Variants in RELN observed in about 807,000 individuals in gnomAD.
The protein encoded by RELN is reelin.
In RELN, 108 loss-of-function variants were observed where a neutral mutation model predicts 427.6. The ratio of observed to expected loss-of-function variants is 0.25; its 90% CI spans 0.22 to 0.30. The LOEUF (loss-of-function observed/expected upper bound fraction) is 0.30, where lower values mean the gene tolerates loss of function less well. Among genes scored for constraint, RELN ranks in the 10% least tolerant of loss-of-function variants. RELN has a pLI of 1.00. For missense variants in RELN, 3,715 were observed against 4,302.8 expected (o/e 0.86, Z 3.82); for synonymous variants, 1,524 against 1,513.4 (o/e 1.01, Z -0.16).
At chr7:103,680,976 G>T (rs914565041) in intron 11 of RELN, among the ~76,000 whole-genome samples, 2 of 152,146 alleles carry the variant, frequency 1.3e-5, no homozygotes, top group Non-Finnish European at 2.9e-5. Flanking sequence ...CTTCCCTGAG[G>T]CAGGGAGGAG....
intron 3 of RELN, among the ~76,000 whole-genome samples, chr7:103,802,711 C>T (rs901868188): frequency 1.3e-5 from 2 of 151,996 alleles, no homozygotes; most frequent in African/African-American, 2.4e-5. Flanking sequence ...AATCAGAGTA[C>T]GGGCTTCATT....
chr7:103,883,068 C>T (rs1794644055), intron 2 of RELN, among the ~76,000 whole-genome samples: 1 of 152,162 alleles, frequency 6.6e-6, no homozygotes, highest in South Asian at 2.1e-4. Flanking sequence ...TCCAGCAGCA[C>T]ATCAAAAATC....
intron 3 of RELN, among the ~76,000 whole-genome samples, chr7:103,818,970 T>A (rs1400915522): frequency 6.6e-6 from 1 of 152,128 alleles, no homozygotes; most frequent in Non-Finnish European, 1.5e-5. Flanking sequence ...ACCCCAAGTT[T>A]GTAAAAACTA....
In RELN at chr7:103,589,682, T is replaced by C. The variant is rs747261345; in HGVS notation, c.4059A>G (p.Glu1353=). ...AGKGCEGNSR[E]LSEPTMYHTG... ...TGTGATACATGGTGGGCTCACTTAG[T>C]TCTCTGGAGTTTCCTTCGCATCCTT... Residue 1353 remains glutamate (E), a synonymous_variant, in exon 28 of 65, where the codon GAA becomes GAG. Coordinates refer to ENST00000428762, the MANE Select transcript of RELN (RefSeq NM_005045.4). 1.9e-6 allele frequency: 3 copies of C among 1,614,130 alleles called. No individual in the cohort carries two copies. The highest frequency in any genetic ancestry group is 8.5e-7 in the Non-Finnish European group (1 of 1,179,984).
chr7:103,923,142 T>C (rs73712300), intron 1 of RELN, among the ~76,000 whole-genome samples: 18,658 of 152,174 alleles, frequency 0.12, 2,367 homozygotes, highest in African/African-American at 0.32. Context: ...CGTTTGCTTT[T>C]TGAATACAGA....
chr7:103,745,911 C>A (rs1461254414), intron 6 of RELN, among the ~76,000 whole-genome samples: 3 of 152,056 alleles, frequency 2.0e-5, no homozygotes, highest in East Asian at 1.9e-4. Flanking sequence ...AACTGGAAAA[C>A]ACTACTTTAA....
chr7:103,702,444 C>A (rs977850784), intron 8 of RELN, among the ~76,000 whole-genome samples: 1 of 152,040 alleles, frequency 6.6e-6, no homozygotes, highest in Non-Finnish European at 1.5e-5. Context: ...CAAATGATAA[C>A]CAAAAATATT....
intron 3 of RELN, among the ~76,000 whole-genome samples, chr7:103,821,651 C>T (rs1793018100): frequency 6.6e-6 from 1 of 152,116 alleles, no homozygotes; most frequent in East Asian, 1.9e-4. Flanking sequence ...AGCATTAATG[C>T]CTGCAGGAGG....
chr7:103,949,022 C>G (rs1319118083), intron 1 of RELN, among the ~76,000 whole-genome samples: 1 of 88,884 alleles, frequency 1.1e-5, no homozygotes, highest in Admixed American at 1.2e-4. Flanking sequence ...ACATTGTCTC[C>G]AAAAAAAAAA....
intron 3 of RELN, among the ~76,000 whole-genome samples, chr7:103,808,818 T>G (rs1411541294): frequency 6.6e-6 from 1 of 152,128 alleles, no homozygotes; most frequent in African/African-American, 2.4e-5. Flanking sequence ...ATGTTTAATG[T>G]TATGATGGAG....
Position 103,776,886 on chromosome 7 carries a change from G to A in RELN, c.474-259C>T, listed in dbSNP as rs180810910. 1.1e-4 allele frequency among the ~76,000 whole-genome samples: 16 copies of A among 152,192 alleles called. No individual in the cohort carries two copies. In the South Asian group the frequency reaches 1.9e-3, roughly 18 times the overall value. On this transcript the variant is annotated intron_variant, in intron 3 of 64. Coordinates refer to ENST00000428762, the MANE Select transcript of RELN (RefSeq NM_005045.4). ...CTTGTTCTGAAAACAGCAGATGTGC[G>A]TAAAGCCTATAGAATAAAAAGTATG...
In RELN at chr7:103,575,719, C is replaced by T; in HGVS notation, c.4146-14G>A. The T allele has an allele frequency of 6.2e-7, 1 of 1,614,092 alleles. No homozygotes were observed. Among genetic ancestry groups the T allele is most frequent in the Non-Finnish European group, 8.5e-7 (1 of 1,179,958 alleles). On this transcript the variant is annotated splice_polypyrimidine_tract_variant and intron_variant, in intron 28 of 64. Coordinates refer to ENST00000428762, the MANE Select transcript of RELN (RefSeq NM_005045.4). ...AATCTGGTCTTGCTGTTGGGAAAAA[C>T]AACACACCTGTTTCTTGTACCAACA...
chr7:103,636,976 T>C (rs1229770845), intron 17 of RELN, among the ~76,000 whole-genome samples: 1 of 152,222 alleles, frequency 6.6e-6, no homozygotes, highest in Non-Finnish European at 1.5e-5. Context: ...ATAAAGGGAA[T>C]GTGTACACCC....
At chr7:103,772,434 G>A (rs1484948013) in intron 4 of RELN, among the ~76,000 whole-genome samples, 1 of 152,210 alleles carries the variant, frequency 6.6e-6, no homozygotes, top group Non-Finnish European at 1.5e-5. Flanking sequence ...GGGTTGCTGT[G>A]AAGATTAGAT....
intron 36 of RELN, among the ~76,000 whole-genome samples, chr7:103,560,443 A>T (rs1830617383): frequency 6.6e-6 from 1 of 152,188 alleles, no homozygotes; most frequent in Admixed American, 6.5e-5. Context: ...AAAATATAAA[A>T]CATTATGCAT....
intron 2 of RELN, among the ~76,000 whole-genome samples, chr7:103,895,278 G>A (rs915114094): frequency 3.9e-5 from 6 of 151,946 alleles, no homozygotes; most frequent in South Asian, 2.1e-4. Context: ...TATACATGGC[G>A]GTTGTTGACT....
At chr7:103,919,350 C>A (rs1435715295) in intron 1 of RELN, among the ~76,000 whole-genome samples, 1 of 152,044 alleles carries the variant, frequency 6.6e-6, no homozygotes, top group Non-Finnish European at 1.5e-5. Context: ...CTGACTGGAA[C>A]ACTGGTGGTG....
intron 11 of RELN, among the ~76,000 whole-genome samples, chr7:103,669,073 A>G (rs1223370016): frequency 1.3e-5 from 2 of 152,174 alleles, no homozygotes. Flanking sequence ...ATTGTGTGAG[A>G]TATGATTCAG....
At chr7:103,942,740 C>T (rs1296195727) in intron 1 of RELN, among the ~76,000 whole-genome samples, 2 of 152,048 alleles carry the variant, frequency 1.3e-5, no homozygotes, top group Admixed American at 1.3e-4. Flanking sequence ...GGTGAAACCC[C>T]ATCTCTACTA....
Sources: allele counts gnomAD v4.1 joint callset (sites outside exome capture counted in the v4.1 genomes callset), GRCh38; gene constraint gnomAD v4.1.1; transcripts MANE v1.5; gene names NCBI Gene and HGNC (gene_info 2026-07-23, HGNC 2026-07-21).